RBFOX1: variants seen among roughly 807,000 people sequenced by gnomAD.
RBFOX1 encodes the protein RNA binding fox-1 homolog 1, also known as RNA binding protein fox-1 homolog 1.
A neutral mutation model predicts 57.7 loss-of-function variants in RBFOX1; 8 were observed. The observed-to-expected ratio is 0.14, with a 90% confidence interval of 0.08 to 0.25. The LOEUF (loss-of-function observed/expected upper bound fraction) is 0.25, where lower values mean the gene tolerates loss of function less well. Among genes scored for constraint, RBFOX1 ranks in the 10% least tolerant of loss-of-function variants. The pLI is 1.00. For synonymous variants in RBFOX1, 326 were observed against 222.4 expected, an observed-to-expected ratio of 1.47 and a Z score of -4.15; for missense variants, 611 against 548.5, an observed-to-expected ratio of 1.11 and a Z score of -1.14.
Position 7,557,805 on chromosome 16 carries a change from G to A in RBFOX1, c.271-21972G>A, listed in dbSNP as rs536923561. On this transcript the variant is annotated intron_variant, in intron 5 of 15. Transcript: ENST00000550418. ...CTTGGTGGGGGAAGGAGCGGGAGAG[G>A]GCTCCAGAGACTGATCTGAAGCATT... 6.6e-5 allele frequency among the ~76,000 whole-genome samples: 10 copies of A among 151,616 alleles called. No individual in the cohort carries two copies. In the South Asian group the frequency reaches 2.1e-3, roughly 32 times the overall value.
At chr16:7,270,750 C>G (rs757801327) in intron 4 of RBFOX1, among the ~76,000 whole-genome samples, 28 of 152,246 alleles carry the variant, frequency 1.8e-4, no homozygotes, top group Non-Finnish European at 3.5e-4. Flanking sequence ...ATTAATCCCA[C>G]TGATGCTTCA....
In RBFOX1 at chr16:7,711,210, C is replaced by G. The variant is rs2083955021; in HGVS notation, c.*465C>G. On this transcript the variant is annotated 3_prime_UTR_variant, in exon 16 of 16. Coordinates refer to ENST00000550418, the MANE Select transcript of RBFOX1 (RefSeq NM_018723.4). ...TTGGGAGGGGCTTAGGGGATTGGAA[C>G]TGGGGTTTGGCTGAAAGAAAAAAAA... 1 of 141,126 alleles carries G rather than the reference C, an allele frequency of 7.1e-6. No homozygotes were observed. The highest frequency in any genetic ancestry group is 1.5e-5 in the Non-Finnish European group (1 of 64,546). The allele number at this position is 141,126 out of a possible 1,614,324, so 8.7% of individuals were successfully genotyped here.
chr16:6,025,477 C>G (rs1178838035), intron 1 of RBFOX1, among the ~76,000 whole-genome samples: 2 of 152,196 alleles, frequency 1.3e-5, no homozygotes, highest in East Asian at 3.9e-4. Context: ...TCTGGGGCCT[C>G]CCTTCAAAGA....
At chr16:5,817,513 C>T (rs1035538722) in intron 3 of RBFOX1, among the ~76,000 whole-genome samples, 2 of 152,188 alleles carry the variant, frequency 1.3e-5, no homozygotes, top group Admixed American at 6.5e-5. Flanking sequence ...CCAAAATTCT[C>T]ATAGCTCAGG....
At chr16:7,671,415 T>G (rs1487061394) in intron 13 of RBFOX1, 1 of 688,794 alleles carries the variant, frequency 1.5e-6, no homozygotes, top group Non-Finnish European at 2.4e-6. Context: ...CCTTTCAGCT[T>G]GGTGGGCCAG....
chr16:5,668,776 G>A (rs749929678), intron 3 of RBFOX1, among the ~76,000 whole-genome samples: 3 of 152,120 alleles, frequency 2.0e-5, no homozygotes, highest in Non-Finnish European at 4.4e-5. Context: ...TAACATATGA[G>A]GTCATTCACC....
intron 1 of RBFOX1, among the ~76,000 whole-genome samples, chr16:5,285,739 G>T (rs972690711): frequency 6.6e-6 from 1 of 152,180 alleles, no homozygotes; most frequent in Non-Finnish European, 1.5e-5. Context: ...AATGGTGTCT[G>T]TGAGTTATTC....
rs191209753 is a variant in RBFOX1 at position 7,018,188 on chromosome 16, G to A, written c.-15-33869G>A. Among the ~76,000 whole-genome samples the A allele has an allele frequency of 2.6e-3, 393 of 152,206 alleles. 3 individuals are homozygous for A. Among genetic ancestry groups the A allele is most frequent in the African/African-American group, 9.3e-3 (385 of 41,528 alleles). On this transcript the variant is annotated intron_variant, in intron 3 of 15. Coordinates refer to ENST00000550418, the MANE Select transcript of RBFOX1 (RefSeq NM_018723.4). ...AATTTCCACGAGCCGTGCATTCGTG[G>A]ATCCTGCAAGTTAGTAACTACCTGA...
intron 5 of RBFOX1, among the ~76,000 whole-genome samples, chr16:7,538,175 G>C (rs897678710): frequency 6.6e-6 from 1 of 152,180 alleles, no homozygotes. Flanking sequence ...CCTGCCAGAA[G>C]ATCTGAGAGT....
chr16:7,416,834 T>C (rs981131348), intron 4 of RBFOX1, among the ~76,000 whole-genome samples: 1 of 152,130 alleles, frequency 6.6e-6, no homozygotes, highest in Non-Finnish European at 1.5e-5. Context: ...TGCCAAGGTT[T>C]GGTCTATGCA....
intron 8 of RBFOX1, among the ~76,000 whole-genome samples, chr16:7,596,393 G>C (rs1002650597): frequency 1.3e-5 from 2 of 151,564 alleles, no homozygotes; most frequent in Non-Finnish European, 2.9e-5. Flanking sequence ...AGTTACAAAT[G>C]CTTTAGTCTT....
chr16:7,312,089 T>G (rs1483262471), intron 4 of RBFOX1, among the ~76,000 whole-genome samples: 3 of 152,036 alleles, frequency 2.0e-5, no homozygotes, highest in Non-Finnish European at 4.4e-5. Flanking sequence ...GATAAAGAAA[T>G]GAAGGAAGGG....
At chr16:6,834,503 G>GA (rs113354628) in intron 3 of RBFOX1, among the ~76,000 whole-genome samples, 21 of 150,476 alleles carry the variant, frequency 1.4e-4, no homozygotes, top group Middle Eastern at 3.4e-3. Context: ...ACTGTTTATT[G>GA]ATGAATGAAT....
chr16:6,047,225 T>G (rs750858243), intron 1 of RBFOX1, among the ~76,000 whole-genome samples: 2 of 152,210 alleles, frequency 1.3e-5, no homozygotes, highest in Non-Finnish European at 2.9e-5. Flanking sequence ...TGTGTGTATG[T>G]GCGTGTGTTT....
chr16:5,731,115 A>G (rs561032600), intron 3 of RBFOX1, among the ~76,000 whole-genome samples: 48 of 152,222 alleles, frequency 3.2e-4, no homozygotes, highest in African/African-American at 1.1e-3. Context: ...AAATATCACC[A>G]TCATCACTGT....
intron 1 of RBFOX1, among the ~76,000 whole-genome samples, chr16:6,161,010 G>A (rs1376529485): frequency 6.6e-6 from 1 of 152,206 alleles, no homozygotes; most frequent in African/African-American, 2.4e-5. Flanking sequence ...CGAGCTCCAT[G>A]AGCACAGTGG....
At chr16:7,458,395 A>G (rs1391497876) in intron 4 of RBFOX1, among the ~76,000 whole-genome samples, 5 of 152,206 alleles carry the variant, frequency 3.3e-5, no homozygotes, top group Non-Finnish European at 5.9e-5. Context: ...TGTGCTCCTC[A>G]AATCTCTCCT....
chr16:5,439,687 C>T (rs1381692615), intron 1 of RBFOX1, among the ~76,000 whole-genome samples: 2 of 152,060 alleles, frequency 1.3e-5, no homozygotes, highest in Non-Finnish European at 2.9e-5. Flanking sequence ...TCAAGTGATT[C>T]ACCCGCCTTG....
At chr16:5,361,175 T>G (rs1033194130) in intron 1 of RBFOX1, among the ~76,000 whole-genome samples, 3 of 152,200 alleles carry the variant, frequency 2.0e-5, no homozygotes, top group African/African-American at 7.2e-5. Context: ...GAACCCAGGT[T>G]TATCTGGGTC....
Sources: gnomAD v4.1 joint callset for allele counts (sites outside exome capture counted in the v4.1 genomes callset) on GRCh38, gnomAD v4.1.1 for gene constraint, MANE v1.5 for transcripts, NCBI Gene and HGNC (gene_info 2026-07-23, HGNC 2026-07-21) for gene names.